Variants in CSMD1 observed in about 807,000 individuals in gnomAD.
The protein encoded by CSMD1 is CUB and Sushi multiple domains 1.
CSMD1 carries 213 observed loss-of-function variants against 417.5 expected under a neutral mutation model. The observed-to-expected ratio is 0.51, with a 90% CI of 0.46 to 0.57. The LOEUF is 0.57. Among genes scored for constraint, CSMD1 ranks in the 20% least tolerant of loss-of-function variants. The pLI is 0.00. For missense variants in CSMD1, 6,923 were observed against 4,529.7 expected, an observed-to-expected ratio of 1.53 and a Z score of -15.17; for synonymous variants, 2,862 against 1,736.8, an observed-to-expected ratio of 1.65 and a Z score of -16.11.
chr8:3,555,194 G>C (rs1396989941), intron 10 of CSMD1, among the ~76,000 whole-genome samples: 3 of 152,002 alleles, frequency 2.0e-5, no homozygotes, highest in African/African-American at 4.8e-5. Context: ...GGGAGGTGTA[G>C]GGAAAGATGG....
chr8:4,549,371 T>C (rs1041780161), intron 2 of CSMD1, among the ~76,000 whole-genome samples: 2 of 152,186 alleles, frequency 1.3e-5, no homozygotes, highest in Non-Finnish European at 2.9e-5. Context: ...ATGGGGTATA[T>C]TGGTTAACCT....
chr8:4,213,783 G>C (rs187296476), intron 3 of CSMD1, among the ~76,000 whole-genome samples: 5 of 152,282 alleles, frequency 3.3e-5, no homozygotes, highest in East Asian at 1.9e-4. Context: ...GCTGTGGTGA[G>C]GGTGGAACGC....
chr8:4,076,690 C>G (rs566389243), intron 3 of CSMD1, among the ~76,000 whole-genome samples: 1 of 152,274 alleles, frequency 6.6e-6, no homozygotes, highest in South Asian at 2.1e-4. Context: ...AAACATTTAG[C>G]CATATCTTGT....
intron 1 of CSMD1, among the ~76,000 whole-genome samples, chr8:4,774,175 G>T (rs1195521789): frequency 6.6e-6 from 1 of 152,186 alleles, no homozygotes; most frequent in African/African-American, 2.4e-5. Context: ...CTACCAGCCT[G>T]GGTGACAGAG....
chr8:4,200,419 A>G (rs1465822988), intron 3 of CSMD1, among the ~76,000 whole-genome samples: 2 of 152,206 alleles, frequency 1.3e-5, no homozygotes, highest in African/African-American at 4.8e-5. Flanking sequence ...ATTTGATTTA[A>G]AAGAATAACC....
intron 56 of CSMD1, among the ~76,000 whole-genome samples, chr8:2,973,907 G>A (rs888357701): frequency 0.018 from 1,766 of 99,706 alleles, no homozygotes; most frequent in East Asian, 0.063. Context: ...GTAGAGGATG[G>A]TGGTAGAGGA....
At chr8:4,877,220 A>C (rs1312695392) in intron 1 of CSMD1, among the ~76,000 whole-genome samples, 1 of 152,098 alleles carries the variant, frequency 6.6e-6, no homozygotes, top group East Asian at 1.9e-4. Context: ...TGAATAAAAC[A>C]GGAGCATAAA....
At chr8:4,990,571 G>T (rs912605765) in intron 1 of CSMD1, among the ~76,000 whole-genome samples, 6 of 152,066 alleles carry the variant, frequency 3.9e-5, no homozygotes, top group Admixed American at 6.6e-5. Context: ...CACTATGTTG[G>T]TCAAGCTGGT....
intron 2 of CSMD1, among the ~76,000 whole-genome samples, chr8:4,633,534 C>A (rs1042146517): frequency 1.1e-4 from 16 of 151,232 alleles, no homozygotes; most frequent in African/African-American, 3.2e-4. Flanking sequence ...CAGGTAAGAG[C>A]CGCCATGCCA....
chr8:4,772,584 A>C (rs1796656901), intron 1 of CSMD1, among the ~76,000 whole-genome samples: 1 of 152,222 alleles, frequency 6.6e-6, no homozygotes, highest in Non-Finnish European at 1.5e-5. Flanking sequence ...AAAAATATCA[A>C]AGTGTTTTGA....
intron 4 of CSMD1, among the ~76,000 whole-genome samples, chr8:4,015,285 C>T (rs948572656): frequency 5.3e-5 from 8 of 152,132 alleles, no homozygotes; most frequent in African/African-American, 1.4e-4. Context: ...TTTTAAATAT[C>T]GCAGAATTTA....
In CSMD1 at chr8:4,852,574, C is replaced by T. The variant is rs145571109; in HGVS notation, c.85+141758G>A. 1.6e-3 allele frequency among the ~76,000 whole-genome samples: 245 copies of T among 152,128 alleles called. 2 individuals are homozygous for T. Among genetic ancestry groups the T allele is most frequent in the Admixed American group, 6.0e-3 (91 of 15,288 alleles). ...ATGGAAATTCAAAAACAGCCTAATA[C>T]AGAAAAATGGTACCAGGAGTGGGAT... On this transcript the variant is annotated intron_variant, in intron 1 of 69. Coordinates refer to ENST00000635120, the MANE Select transcript of CSMD1 (RefSeq NM_033225.6).
intron 12 of CSMD1, among the ~76,000 whole-genome samples, chr8:3,452,754 T>A (rs1226371546): frequency 6.6e-6 from 1 of 152,236 alleles, no homozygotes; most frequent in Non-Finnish European, 1.5e-5. Context: ...TCGATGTTCA[T>A]CAGGGATATT....
At chr8:3,580,445 G>C (rs1800334595) in intron 9 of CSMD1, among the ~76,000 whole-genome samples, 1 of 152,120 alleles carries the variant, frequency 6.6e-6, no homozygotes, top group Non-Finnish European at 1.5e-5. Flanking sequence ...AAGAATCCTA[G>C]GAGAGAAACA....
rs760075463 is a variant in CSMD1 at position 3,770,617 on chromosome 8, A to C, written c.819-16575T>G. On this transcript the variant is annotated intron_variant, in intron 5 of 69. Coordinates refer to ENST00000635120, the MANE Select transcript of CSMD1 (RefSeq NM_033225.6). ...ATGCAGAACGGCCATAAATGAAGGG[A>C]AGAAGGGTCTGAAAGGAAAATTGTT... 3.9e-4 allele frequency among the ~76,000 whole-genome samples: 59 copies of C among 152,170 alleles called. 1 individual carries two copies. Among genetic ancestry groups the C allele is most frequent in the Non-Finnish European group, 7.6e-4 (52 of 68,032 alleles).
At chr8:4,990,338 A>C (rs902679835) in intron 1 of CSMD1, among the ~76,000 whole-genome samples, 4 of 151,212 alleles carry the variant, frequency 2.6e-5, no homozygotes, top group Non-Finnish European at 4.4e-5. Context: ...TCAGCAATAC[A>C]GAGATATTAA....
At chr8:3,220,585 C>T (rs12547160) in intron 28 of CSMD1, among the ~76,000 whole-genome samples, 1 of 152,054 alleles carries the variant, frequency 6.6e-6, no homozygotes, top group Non-Finnish European at 1.5e-5. Flanking sequence ...GTAATCCCAG[C>T]ACTTTGGGAG....
intron 3 of CSMD1, among the ~76,000 whole-genome samples, chr8:4,378,312 T>C (rs1324576659): frequency 2.6e-5 from 4 of 152,252 alleles, no homozygotes; most frequent in African/African-American, 7.2e-5. Context: ...TAAATTGTTA[T>C]AAATTGCTGT....
intron 3 of CSMD1, among the ~76,000 whole-genome samples, chr8:4,192,495 T>A (rs899526236): frequency 6.6e-6 from 1 of 151,958 alleles, no homozygotes; most frequent in Admixed American, 6.5e-5. Context: ...CCACATAAAC[T>A]AAAGCCCGTT....
Sources: allele counts gnomAD v4.1 joint callset (sites outside exome capture counted in the v4.1 genomes callset), GRCh38; gene constraint gnomAD v4.1.1; transcripts MANE v1.5; gene names NCBI Gene and HGNC (gene_info 2026-07-23, HGNC 2026-07-21).